The following ZNF503 variants were observed in gnomAD, a reference collection of about 807,000 sequenced individuals.
ZNF503 encodes zinc finger protein 503.
ZNF503 carries 15 observed loss-of-function variants against 34.4 expected under a neutral mutation model. The observed-to-expected ratio is 0.44, with a 90% CI of 0.29 to 0.67. The LOEUF is 0.67. Among genes scored for constraint, ZNF503 ranks in the 30% least tolerant of loss-of-function variants. ZNF503 has a pLI of 0.13. For missense variants in ZNF503, 1,007 were observed against 926.8 expected, an observed-to-expected ratio of 1.09 and a Z score of -1.12; for synonymous variants, 580 against 456.8, an observed-to-expected ratio of 1.27 and a Z score of -3.44.
At chr10:75,313,487 C>T in the ZNF503 span, among the ~76,000 whole-genome samples, 2 of 152,178 alleles carry the variant, frequency 1.3e-5, no homozygotes, top group Non-Finnish European at 2.9e-5. Context: ...TAGGATGCTG[C>T]TCACTTCTTT....
the ZNF503 span, among the ~76,000 whole-genome samples, chr10:75,311,935 G>A: frequency 6.6e-6 from 1 of 151,736 alleles, no homozygotes; most frequent in Admixed American, 6.6e-5. Flanking sequence ...AGTAGAAGTG[G>A]GGTTTTGCCA....
the ZNF503 span, among the ~76,000 whole-genome samples, chr10:75,286,724 T>C: frequency 6.6e-6 from 1 of 152,158 alleles, no homozygotes; most frequent in South Asian, 2.1e-4. Flanking sequence ...TTCTTCCTTG[T>C]ATTGTCTCTT....
Position 75,400,235 on chromosome 10 carries a change from G to T in ZNF503, c.455C>A (p.Ala152Glu), listed in dbSNP as rs1028440458. 6.2e-7 allele frequency: 1 copy of T among 1,610,600 alleles called. No individual in the cohort carries two copies. The highest frequency in any genetic ancestry group is 1.3e-5 in the African/African-American group (1 of 74,890). The change falls in exon 2 of 2, where the codon GCG becomes GAG. Residue 152 changes from alanine (A) to glutamate (E), a missense_variant. Transcript: ENST00000372524. Reference protein sequence around the residue: ...GGAGGAGGGAAGDKDTKSGPL... With the variant: ...GGAGGAGGGAEGDKDTKSGPL... ...GCCCGATTTGGTGTCCTTGTCGCCC[G>T]CAGCACCGCCGCCGGCACCGCCCGC...
the ZNF503 span, among the ~76,000 whole-genome samples, chr10:75,374,328 A>G: frequency 6.6e-5 from 10 of 152,120 alleles, no homozygotes; most frequent in African/African-American, 2.2e-4. Context: ...ACAAACAAAC[A>G]AAAAACAAAG....
At chr10:75,291,744 A>T in the ZNF503 span, among the ~76,000 whole-genome samples, 1 of 152,174 alleles carries the variant, frequency 6.6e-6, no homozygotes, top group Non-Finnish European at 1.5e-5. Context: ...GAATCTTGTC[A>T]TCACACCAGG....
the ZNF503 span, among the ~76,000 whole-genome samples, chr10:75,314,745 G>T: frequency 1.3e-5 from 2 of 152,208 alleles, no homozygotes; most frequent in Non-Finnish European, 2.9e-5. Flanking sequence ...CAGGCCAGGA[G>T]AAAGTGGAAT....
the ZNF503 span, among the ~76,000 whole-genome samples, chr10:75,285,417 C>G: frequency 6.6e-6 from 1 of 152,200 alleles, no homozygotes; most frequent in Non-Finnish European, 1.5e-5. Flanking sequence ...GCAGCAGATG[C>G]CCTCCTAGAC....
chr10:75,365,205 G>A, the ZNF503 span, among the ~76,000 whole-genome samples: 2 of 152,226 alleles, frequency 1.3e-5, no homozygotes, highest in Admixed American at 1.3e-4. Context: ...CTGGAGTGCA[G>A]TGGAGTGATC....
the ZNF503 span, among the ~76,000 whole-genome samples, chr10:75,367,732 G>A: frequency 3.9e-5 from 6 of 152,136 alleles, no homozygotes; most frequent in Non-Finnish European, 5.9e-5. Context: ...GTGGAGCATC[G>A]ATCCTTATCT....
At chr10:75,328,185 G>A in the ZNF503 span, among the ~76,000 whole-genome samples, 13 of 152,032 alleles carry the variant, frequency 8.6e-5, no homozygotes, top group Non-Finnish European at 1.8e-4. Flanking sequence ...ACCAATGTCT[G>A]GAAGCATTTC....
At chr10:75,346,792 G>A in the ZNF503 span, among the ~76,000 whole-genome samples, 1 of 136,778 alleles carries the variant, frequency 7.3e-6, no homozygotes, top group Non-Finnish European at 1.6e-5. Context: ...CACCACAGTC[G>A]GCTTATTAAA....
the ZNF503 span, among the ~76,000 whole-genome samples, chr10:75,313,110 G>A: frequency 1.3e-5 from 2 of 152,078 alleles, no homozygotes; most frequent in African/African-American, 2.4e-5. Context: ...ACCCAGCCTC[G>A]GGTATGTCTT....
downstream of ZNF503, among the ~76,000 whole-genome samples, chr10:75,393,334 G>A (rs1843663183): frequency 6.6e-6 from 1 of 152,220 alleles, no homozygotes; most frequent in Admixed American, 6.5e-5. Flanking sequence ...CCCAGGTGGG[G>A]CAGCGGGATG....
At chr10:75,318,726 A>T in the ZNF503 span, among the ~76,000 whole-genome samples, 1 of 152,166 alleles carries the variant, frequency 6.6e-6, no homozygotes, top group African/African-American at 2.4e-5. Flanking sequence ...TTCTAAAAAA[A>T]TAGCTAAAGG....
At chr10:75,322,469 G>A in the ZNF503 span, among the ~76,000 whole-genome samples, 71 of 151,942 alleles carry the variant, frequency 4.7e-4, no homozygotes, top group South Asian at 2.1e-3. Flanking sequence ...CATGTTTATC[G>A]TTTTCATGTA....
the ZNF503 span, chr10:75,358,903 C>G: frequency 6.6e-6 from 1 of 152,352 alleles, no homozygotes; most frequent in East Asian, 1.9e-4. Context: ...AACACGAAGC[C>G]ATGCCTGAGC....
At chr10:75,326,366 C>T in the ZNF503 span, among the ~76,000 whole-genome samples, 3 of 152,044 alleles carry the variant, frequency 2.0e-5, no homozygotes, top group Admixed American at 1.3e-4. Flanking sequence ...TTCCTTCTGC[C>T]TGCAGATCTT....
At chr10:75,372,994 G>A in the ZNF503 span, among the ~76,000 whole-genome samples, 10 of 152,312 alleles carry the variant, frequency 6.6e-5, no homozygotes, top group Non-Finnish European at 1.3e-4. Flanking sequence ...TCCAGAGGAA[G>A]GAAAGAAGGA....
At chr10:75,287,748 GC>G in the ZNF503 span, among the ~76,000 whole-genome samples, 14 of 152,150 alleles carry the variant, frequency 9.2e-5, no homozygotes, top group Non-Finnish European at 1.6e-4. Context: ...CCTCCGCCCA[GC>G]TTTTCCTCAC....
Sources: gnomAD v4.1 joint callset for allele counts (sites outside exome capture counted in the v4.1 genomes callset) on GRCh38, gnomAD v4.1.1 for gene constraint, MANE v1.5 for transcripts, NCBI Gene and HGNC (gene_info 2026-07-23, HGNC 2026-07-21) for gene names.